Variants in PRDM5 observed in about 807,000 individuals in gnomAD.
The protein encoded by PRDM5 is PR/SET domain 5, also known as PR domain zinc finger protein 5.
A neutral mutation model predicts 81.2 loss-of-function variants in PRDM5; 56 were observed. The ratio of observed to expected loss-of-function variants is 0.69; its 90% CI spans 0.56 to 0.86. The LOEUF (loss-of-function observed/expected upper bound fraction) is 0.86, where lower values mean the gene tolerates loss of function less well. Ranked by LOEUF, PRDM5 falls within the 40% of genes least tolerant of loss-of-function variation. The pLI, the probability that PRDM5 is intolerant of heterozygous loss-of-function variation, is 0.00. For synonymous variants in PRDM5, 267 were observed against 256.4 expected (o/e 1.04, Z -0.39); for missense variants, 697 against 770.1 (o/e 0.91, Z 1.12).
chr4:120,785,991 T>C (rs1219815885), intron 10 of PRDM5, among the ~76,000 whole-genome samples: 7 of 152,066 alleles, frequency 4.6e-5, no homozygotes, highest in Non-Finnish European at 8.8e-5. Flanking sequence ...AATCAGTAAA[T>C]AAAATCTTAT....
At chr4:120,802,842 A>G (rs1290557537) in intron 8 of PRDM5, among the ~76,000 whole-genome samples, 1 of 152,214 alleles carries the variant, frequency 6.6e-6, no homozygotes, top group Non-Finnish European at 1.5e-5. Context: ...CAGCAACAGA[A>G]CAAAGCTGGA....
Position 120,725,274 on chromosome 4 carries a change from GTT to G in PRDM5, c.1624-14863_1624-14862del, listed in dbSNP as rs34278955. 3.0e-3 allele frequency among the ~76,000 whole-genome samples: 436 copies of G among 145,136 alleles called. 6 individuals are homozygous for G. Among genetic ancestry groups the G allele is most frequent in the Admixed American group, 4.2e-3 (62 of 14,620 alleles). On this transcript the variant is annotated intron_variant, in intron 14 of 15. Transcript: ENST00000264808. ...TACACTTTTCATCTGATATACAGTT[GTT>G]TTTTTTTTTTCTGTAAGCAAATTTG... is the stretch of plus-strand genomic sequence containing the variant.
chr4:120,830,100 C>T (rs1214739825), intron 3 of PRDM5, among the ~76,000 whole-genome samples: 1 of 152,024 alleles, frequency 6.6e-6, no homozygotes, highest in African/African-American at 2.4e-5. Context: ...TTAAAATTCA[C>T]AAAATGTATC....
intron 14 of PRDM5, among the ~76,000 whole-genome samples, chr4:120,727,181 A>G (rs927114643): frequency 2.6e-5 from 4 of 152,166 alleles, no homozygotes; most frequent in Non-Finnish European, 2.9e-5. Context: ...CATTCCAGTA[A>G]AATGTTCATT....
At chr4:120,794,574 A>C in intron 10 of PRDM5, among the ~76,000 whole-genome samples, 1 of 147,750 alleles carries the variant, frequency 6.8e-6, no homozygotes. Flanking sequence ...AATACACACA[A>C]ATACATGTAT....
intron 13 of PRDM5, among the ~76,000 whole-genome samples, chr4:120,773,827 C>A (rs1055092630): frequency 1.3e-5 from 2 of 152,184 alleles, no homozygotes; most frequent in African/African-American, 4.8e-5. Context: ...CATATTGCAG[C>A]AGGATGAGTG....
chr4:120,768,696 G>T (rs1009785743), intron 13 of PRDM5, among the ~76,000 whole-genome samples: 10 of 152,116 alleles, frequency 6.6e-5, no homozygotes, highest in African/African-American at 2.4e-4. Context: ...AAACAAAACA[G>T]ATAGAGCATT....
intron 10 of PRDM5, among the ~76,000 whole-genome samples, chr4:120,792,388 C>T (rs1750702741): frequency 1.3e-5 from 2 of 152,154 alleles, no homozygotes. Context: ...ACCAGACATG[C>T]ATGTACGATT....
In PRDM5 at chr4:120,911,103, T is replaced by C. The variant is rs6827910; in HGVS notation, c.94-3546A>G. Among the ~76,000 whole-genome samples, 741 of 152,258 alleles carry C rather than the reference T, an allele frequency of 4.9e-3. 7 individuals carry two copies. The highest frequency in any genetic ancestry group is 0.011 in the African/African-American group (473 of 41,568). ...GGCAGTAGGGCAACACAACACCAGATACCCAACCATAAACATGTAAATGAT... is the reference window on the plus strand; with the variant it reads ...GGCAGTAGGGCAACACAACACCAGACACCCAACCATAAACATGTAAATGAT... On this transcript the variant is annotated intron_variant, in intron 1 of 15. Transcript: ENST00000264808.
intron 2 of PRDM5, among the ~76,000 whole-genome samples, chr4:120,870,566 AAAT>A (rs1761676805): frequency 6.6e-6 from 1 of 152,160 alleles, no homozygotes; most frequent in Non-Finnish European, 1.5e-5. Context: ...AGCCCAGGAA[AAAT>A]AATGAGTGAG....
intron 14 of PRDM5, among the ~76,000 whole-genome samples, chr4:120,742,285 C>T (rs1039740029): frequency 6.6e-6 from 1 of 152,140 alleles, no homozygotes; most frequent in Non-Finnish European, 1.5e-5. Flanking sequence ...CTGTACATCA[C>T]CATCATCAAA....
chr4:120,852,023 A>G (rs1028940148), intron 3 of PRDM5, among the ~76,000 whole-genome samples: 1 of 152,184 alleles, frequency 6.6e-6, no homozygotes, highest in African/African-American at 2.4e-5. Flanking sequence ...ATTATCTGCC[A>G]GAATTTAATG....
chr4:120,781,364 G>T, intron 11 of PRDM5, 61 bp from the exon 12 acceptor site: 1 of 1,469,182 alleles, frequency 6.8e-7, no homozygotes, highest in Non-Finnish European at 9.5e-7. Context: ...TTCCTCCCAT[G>T]TATGCCAGAC....
intron 1 of PRDM5, among the ~76,000 whole-genome samples, chr4:120,911,208 A>T (rs60983006): frequency 0.083 from 12,704 of 152,246 alleles, 553 homozygotes; most frequent in East Asian, 0.15. Context: ...ATGTTGCTGT[A>T]TCACCATGTG....
chr4:120,872,150 C>CAAAAAAAAAAAAAAAAAAAAAAAAAAAA lies in PRDM5; in HGVS notation c.178-18611_178-18610insTTTTTTTTTTTTTTTTTTTTTTTTTTTT, dbSNP rs70948365. ...TGGGCGACAGAGCAAGACTCCATCT[C>CAAAAAAAAAAAAAAAAAAAAAAAAAAAA]AAAAAAAAAAAAAAAAAAAAAAAAC... is the stretch of plus-strand genomic sequence containing the variant. On this transcript the variant is annotated intron_variant, in intron 2 of 15. Transcript: ENST00000264808. 6.9e-4 allele frequency among the ~76,000 whole-genome samples: 29 copies of CAAAAAAAAAAAAAAAAAAAAAAAAAAAA among 41,834 alleles called. 1 individual carries two copies. Among genetic ancestry groups the CAAAAAAAAAAAAAAAAAAAAAAAAAAAA allele is most frequent in the Non-Finnish European group, 9.6e-4 (24 of 25,052 alleles). The allele number at this position is 41,834 out of a possible 152,430, so 27.4% of individuals were successfully genotyped here. A position where few individuals can be genotyped will look rare whatever the true frequency, so the allele number is the denominator to read the frequency against.
At chr4:120,872,143 T>C (rs1579064477) in intron 2 of PRDM5, among the ~76,000 whole-genome samples, 1 of 51,898 alleles carries the variant, frequency 1.9e-5, no homozygotes, top group Non-Finnish European at 3.5e-5. Flanking sequence ...AGAGCAAGAC[T>C]CCATCTCAAA....
rs185814312 is a variant in PRDM5, at chr4:120,718,438, A to G, written c.1624-8025T>C. Among the ~76,000 whole-genome samples, 830 of 152,340 alleles carry G rather than the reference A, an allele frequency of 5.4e-3. 4 individuals are homozygous for G. The highest frequency in any genetic ancestry group is 0.01 in the Middle Eastern group (3 of 294). On this transcript the variant is annotated intron_variant, in intron 14 of 15. Transcript: ENST00000264808. Reference sequence around the variant, plus strand: ...TGTTTACTCTATTAAAACTCACAAAAATGACATATTTCATCAGATAATTAT... The same window carrying G: ...TGTTTACTCTATTAAAACTCACAAAGATGACATATTTCATCAGATAATTAT...
chr4:120,849,917 T>G (rs998980115), intron 3 of PRDM5, among the ~76,000 whole-genome samples: 1 of 152,130 alleles, frequency 6.6e-6, no homozygotes, highest in African/African-American at 2.4e-5. Context: ...TTTTCAGAAG[T>G]CTGAACATAC....
intron 13 of PRDM5, among the ~76,000 whole-genome samples, chr4:120,767,988 T>C (rs1431597812): frequency 1.3e-5 from 2 of 152,192 alleles, no homozygotes; most frequent in African/African-American, 2.4e-5. Context: ...TCCCCAACCA[T>C]GTGGAACTGT....
Sources: allele counts gnomAD v4.1 joint callset (sites outside exome capture counted in the v4.1 genomes callset), GRCh38; gene constraint gnomAD v4.1.1; transcripts MANE v1.5; gene names NCBI Gene and HGNC (gene_info 2026-07-23, HGNC 2026-07-21).